HDAC8: variants seen among roughly 807,000 people sequenced by gnomAD.
The protein encoded by HDAC8 is histone deacetylase 8.
Under a neutral mutation model 32.2 loss-of-function variants are expected in HDAC8, and 1 was observed. That is an observed-to-expected ratio of 0.03 (90% CI 0.01 to 0.15). The LOEUF (loss-of-function observed/expected upper bound fraction) is 0.15. Among genes scored for constraint, HDAC8 ranks in the 10% least tolerant of loss-of-function variants. The pLI, the probability that HDAC8 is intolerant of heterozygous loss-of-function variation, is 1.00. For synonymous variants in HDAC8, 108 were observed against 113.9 expected, an observed-to-expected ratio of 0.95 and a Z score of 0.33; for missense variants, 117 against 300.0, an observed-to-expected ratio of 0.39 and a Z score of 4.51.
chrX:72,342,244 CCGA>C (rs2043906332), intron 10 of HDAC8, among the ~76,000 whole-genome samples: 1 of 112,627 alleles, frequency 8.9e-6, no homozygotes, highest in Non-Finnish European at 1.9e-5. Context: ...CCTTCATGAC[CCGA>C]CCATGGCTTG....
chrX:72,532,839 T>G (rs781810379), intron 4 of HDAC8, among the ~76,000 whole-genome samples: 2 of 112,080 alleles, frequency 1.8e-5, no homozygotes, highest in East Asian at 5.6e-4. Context: ...TTCTACTTAC[T>G]TGAAGATAAA....
chrX:72,572,722 G>A lies in HDAC8; in HGVS notation c.40C>T (p.Leu14=). The A allele has an allele frequency of 8.3e-7, 1 of 1,206,661 alleles. No individual in the cohort carries two copies. Among genetic ancestry groups the A allele is most frequent in the Non-Finnish European group, 1.1e-6 (1 of 893,153 alleles). ...GGACTATAGATATAAACCGGGACCA[G>A]CGACTGCCCACTGTCCGCCGGTTCC... The part of the protein sequence containing the change: ...PEEPADSGQS[L]VPVYIYSPEY... Residue 14 remains leucine (L), a synonymous_variant, in exon 1 of 11, where the codon CTG becomes TTG. Coordinates refer to ENST00000373573, the MANE Select transcript of HDAC8 (RefSeq NM_018486.3).
At chrX:72,472,347 G>A (rs782544151) in intron 7 of HDAC8, among the ~76,000 whole-genome samples, 4 of 111,808 alleles carry the variant, frequency 3.6e-5, no homozygotes, top group East Asian at 5.6e-4. Context: ...GATTACAGGC[G>A]TGAGCCACCG....
intron 9 of HDAC8, among the ~76,000 whole-genome samples, chrX:72,421,287 G>A (rs1281561761): frequency 9.0e-6 from 1 of 110,965 alleles, no homozygotes; most frequent in Non-Finnish European, 1.9e-5. Context: ...ACAGGTAAAC[G>A]TCTGCCATGC....
intron 2 of HDAC8, 41 bp downstream of exon 2, chrX:72,572,016 A>G: frequency 9.1e-7 from 1 of 1,104,019 alleles, no homozygotes; most frequent in East Asian, 3.2e-5. Context: ...TAAGGCTACG[A>G]ACACCTAGCT....
intron 9 of HDAC8, among the ~76,000 whole-genome samples, chrX:72,441,275 G>A (rs1226313357): frequency 1.8e-5 from 2 of 112,459 alleles, no homozygotes; most frequent in Non-Finnish European, 3.8e-5. Context: ...AGCCTAACTG[G>A]GAGGGACCTC....
At chrX:72,337,559 T>C (rs782039551) in intron 10 of HDAC8, among the ~76,000 whole-genome samples, 1 of 111,201 alleles carries the variant, frequency 9.0e-6, no homozygotes, top group Admixed American at 9.6e-5. Flanking sequence ...CTACCTCTTT[T>C]TTTCCCTCCT....
At chrX:72,499,882 G>C (rs1304675930) in intron 4 of HDAC8, among the ~76,000 whole-genome samples, 1 of 111,463 alleles carries the variant, frequency 9.0e-6, no homozygotes, top group Non-Finnish European at 1.9e-5. Flanking sequence ...TAGGCCGCTA[G>C]CTAGACTAAT....
intron 9 of HDAC8, among the ~76,000 whole-genome samples, chrX:72,422,405 A>G (rs1392633849): frequency 9.2e-6 from 1 of 108,984 alleles, no homozygotes; most frequent in African/African-American, 3.3e-5. Context: ...CAATTATCCT[A>G]TCTTCCAAGT....
intron 9 of HDAC8, among the ~76,000 whole-genome samples, chrX:72,453,897 T>C (rs1358451160): frequency 3.6e-5 from 4 of 112,387 alleles, no homozygotes; most frequent in Non-Finnish European, 7.5e-5. Flanking sequence ...AATAATATCT[T>C]TGAAGTGCTA....
intron 10 of HDAC8, among the ~76,000 whole-genome samples, chrX:72,350,044 T>C (rs1474779292): frequency 1.8e-5 from 2 of 111,165 alleles, no homozygotes; most frequent in Non-Finnish European, 3.8e-5. Flanking sequence ...GAAAACGGGC[T>C]GGATGGCTAG....
chrX:72,465,379 T>C (rs1417015261), intron 7 of HDAC8, among the ~76,000 whole-genome samples: 1 of 110,999 alleles, frequency 9.0e-6, no homozygotes, highest in African/African-American at 3.3e-5. Context: ...ACAATGAGCA[T>C]AATTTTGGAT....
chrX:72,564,299 T>C (rs2051699631), intron 4 of HDAC8, among the ~76,000 whole-genome samples: 2 of 112,841 alleles, frequency 1.8e-5, no homozygotes, highest in Non-Finnish European at 3.7e-5. Flanking sequence ...TTTCTTCTTA[T>C]ACATTATATT....
At chrX:72,552,837 A>G (rs1427893775) in intron 4 of HDAC8, among the ~76,000 whole-genome samples, 2 of 104,840 alleles carry the variant, frequency 1.9e-5, no homozygotes, top group South Asian at 4.2e-4. Context: ...ATATATATAT[A>G]TGTGTATCAC....
chrX:72,338,257 G>C (rs1195276291), intron 10 of HDAC8, among the ~76,000 whole-genome samples: 5 of 111,537 alleles, frequency 4.5e-5, no homozygotes, highest in Non-Finnish European at 7.5e-5. Flanking sequence ...ACACCTAGTA[G>C]GTGCTCAGTA....
At chrX:72,535,384 C>A (rs1556038608) in intron 4 of HDAC8, among the ~76,000 whole-genome samples, 1 of 111,299 alleles carries the variant, frequency 9.0e-6, no homozygotes, top group African/African-American at 3.3e-5. Context: ...TGTTCTTTCT[C>A]TTTTTGTATC....
intron 9 of HDAC8, among the ~76,000 whole-genome samples, chrX:72,367,101 G>A (rs191270434): frequency 9.8e-5 from 11 of 112,332 alleles, no homozygotes; most frequent in African/African-American, 3.6e-4. Flanking sequence ...GCTCTCCAAG[G>A]TTGCTTTTTG....
At chrX:72,559,552 C>A (rs1476342777) in intron 4 of HDAC8, among the ~76,000 whole-genome samples, 1 of 99,247 alleles carries the variant, frequency 1.0e-5, no homozygotes, top group African/African-American at 3.7e-5. Flanking sequence ...TGTGAGGAGC[C>A]CCTCTGCCCC....
At chrX:72,512,737 G>A (rs970843410) in intron 4 of HDAC8, among the ~76,000 whole-genome samples, 4 of 111,176 alleles carry the variant, frequency 3.6e-5, no homozygotes, top group African/African-American at 1.3e-4. Flanking sequence ...CTCCTGGGTC[G>A]CACACTTTAC....
Sources: gnomAD v4.1 joint callset for allele counts (sites outside exome capture counted in the v4.1 genomes callset) on GRCh38, gnomAD v4.1.1 for gene constraint, MANE v1.5 for transcripts, NCBI Gene and HGNC (gene_info 2026-07-23, HGNC 2026-07-21) for gene names.